CACNA1A: variants seen among roughly 807,000 people sequenced by gnomAD.
CACNA1A encodes calcium voltage-gated channel subunit alpha1 A, also known as voltage-dependent P/Q-type calcium channel subunit alpha-1A.
A neutral mutation model predicts 262.4 loss-of-function variants in CACNA1A; 57 were observed. The ratio of observed to expected loss-of-function variants is 0.22; its 90% CI spans 0.18 to 0.27. The LOEUF is 0.27. Among genes scored for constraint, CACNA1A ranks in the 10% least tolerant of loss-of-function variants. The pLI is 1.00. For synonymous variants in CACNA1A, 1,431 were observed against 1,419.3 expected (o/e 1.01, Z -0.18); for missense variants, 2,526 against 3,562.8 (o/e 0.71, Z 7.41).
chr19:13,289,932 A>G (rs993817312), intron 19 of CACNA1A, among the ~76,000 whole-genome samples: 3 of 149,230 alleles, frequency 2.0e-5, no homozygotes, highest in Non-Finnish European at 4.4e-5. Context: ...TATTTATCTT[A>G]TCTATCTTAT....
intron 38 of CACNA1A, among the ~76,000 whole-genome samples, chr19:13,216,210 G>A (rs981444367): frequency 6.6e-6 from 1 of 152,196 alleles, no homozygotes; most frequent in African/African-American, 2.4e-5. Flanking sequence ...GGTGTTTCCT[G>A]GCCCTCCTAC....
intron 5 of CACNA1A, 58 bp downstream of exon 5, chr19:13,365,259 C>T: frequency 6.6e-7 from 1 of 1,506,798 alleles, no homozygotes; most frequent in Non-Finnish European, 9.1e-7. Flanking sequence ...CTAATCCTCC[C>T]AAGAGCTTGT....
rs1348448383 is a variant in CACNA1A at position 13,230,099 on chromosome 19, C to T, written c.5511G>A (p.Glu1837=). ...HLDEYVRVWA[E]YDPAAWGRMP... ...CTTCTTACCAAGCTGCGGGGTCATA[C>T]TCGGCCCAGACACGCACGTACTCAT... The change falls in exon 36 of 47, where the codon GAG becomes GAA. Residue 1837 remains glutamate (E), a synonymous_variant. Transcript: ENST00000360228. 6.2e-7 allele frequency: 1 copy of T among 1,613,528 alleles called. No individual in the cohort carries two copies. The highest frequency in any genetic ancestry group is 2.2e-5 in the East Asian group (1 of 44,864).
intron 6 of CACNA1A, among the ~76,000 whole-genome samples, chr19:13,353,871 C>A (rs2058957864): frequency 6.6e-6 from 1 of 152,152 alleles, no homozygotes. Context: ...ATTGCCTGAC[C>A]TAGACTAAGG....
chr19:13,454,434 G>A (rs112510143), intron 2 of CACNA1A, among the ~76,000 whole-genome samples: 18,566 of 151,594 alleles, frequency 0.12, 1,504 homozygotes, highest in East Asian at 0.26. Context: ...GCAATGGTGC[G>A]ATCTTGGCTT....
At chr19:13,376,597 AAC>A (rs922599770) in intron 3 of CACNA1A, among the ~76,000 whole-genome samples, 29 of 148,622 alleles carry the variant, frequency 2.0e-4, no homozygotes, top group Non-Finnish European at 3.1e-4. Context: ...TGAGATATAT[AAC>A]ACATAATATA....
At chr19:13,341,791 TA>T (rs1275790811) in intron 6 of CACNA1A, among the ~76,000 whole-genome samples, 4 of 152,216 alleles carry the variant, frequency 2.6e-5, no homozygotes, top group African/African-American at 9.6e-5. Context: ...TCACCGCCTA[TA>T]TACTTTACTT....
chr19:13,488,627 T>C (rs754092701), intron 1 of CACNA1A, among the ~76,000 whole-genome samples: 9 of 151,936 alleles, frequency 5.9e-5, no homozygotes, highest in Non-Finnish European at 1.2e-4. Flanking sequence ...CTCAAACTTC[T>C]GACCTCAGGT....
intron 8 of CACNA1A, chr19:13,333,692 C>T (rs1405338339): frequency 6.6e-6 from 1 of 152,398 alleles, no homozygotes; most frequent in African/African-American, 2.4e-5. Flanking sequence ...GCCTTAGCCT[C>T]CCAAAGTGCT....
chr19:13,353,787 T>C (rs1441394043), intron 6 of CACNA1A, among the ~76,000 whole-genome samples: 1 of 152,206 alleles, frequency 6.6e-6, no homozygotes. Flanking sequence ...ATGCTGAGAA[T>C]GCTGTTTCCA....
chr19:13,302,539 A>G (rs553273762), intron 17 of CACNA1A, among the ~76,000 whole-genome samples: 5 of 152,356 alleles, frequency 3.3e-5, no homozygotes, highest in African/African-American at 1.2e-4. Flanking sequence ...TGCTTGTAGG[A>G]TCAATGAAAG....
chr19:13,227,550 AAAC>A (rs779182910), intron 36 of CACNA1A, 23 bp from the exon 37 acceptor site: 1 of 1,379,502 alleles, frequency 7.2e-7, no homozygotes, highest in Non-Finnish European at 1.0e-6. Flanking sequence ...AAAATGAAAA[AAAC>A]AAAAACAAAA....
intron 3 of CACNA1A, among the ~76,000 whole-genome samples, chr19:13,395,470 G>A (rs1409815024): frequency 6.6e-6 from 1 of 150,918 alleles, no homozygotes; most frequent in East Asian, 1.9e-4. Context: ...AAATTAGCTG[G>A]GCATGGTGGT....
In CACNA1A at chr19:13,299,339, T is replaced by C. The variant is rs1346141933; in HGVS notation, c.2294A>G (p.Lys765Arg). The C allele has an allele frequency of 6.3e-7, 1 of 1,599,804 alleles. No homozygotes were observed. Among genetic ancestry groups the C allele is most frequent in the Non-Finnish European group, 8.5e-7 (1 of 1,179,738 alleles). The change falls in exon 19 of 47, where the codon AAG becomes AGG. Residue 765 changes from lysine to arginine, a missense_variant. By Grantham distance (26) the Lys-to-Arg change is conservative. This residue lies in a region of CACNA1A where 765 missense variants were observed against 748.6 expected (regional missense o/e 1.02). Coordinates refer to ENST00000360228, the MANE Select transcript of CACNA1A (RefSeq NM_001127222.2). The stretch of plus-strand genomic sequence containing the variant: ...CACGGACTTGGCTGGCTTTTGATTC[T>C]TCTGTTGCTCTTTCCTGCAGTGGCA... ...NMSIAVKEQQKNQKPAKSVWE... is the reference protein window; with the variant it reads ...NMSIAVKEQQRNQKPAKSVWE...
At chr19:13,475,618 T>C (rs200787166) in intron 1 of CACNA1A, among the ~76,000 whole-genome samples, 1 of 152,276 alleles carries the variant, frequency 6.6e-6, no homozygotes, top group East Asian at 1.9e-4. Context: ...AGGAAGATCA[T>C]ATGACTTGCC....
At chr19:13,365,514 C>T (rs2059193308) in intron 4 of CACNA1A, 45 bp from the exon 5 acceptor site, 6 of 1,569,144 alleles carry the variant, frequency 3.8e-6, no homozygotes, top group South Asian at 1.1e-5. Context: ...TGAGCAAGTA[C>T]CCCCAAACCC....
intron 3 of CACNA1A, among the ~76,000 whole-genome samples, chr19:13,377,728 G>T (rs931466557): frequency 2.0e-5 from 3 of 152,082 alleles, no homozygotes; most frequent in African/African-American, 7.2e-5. Context: ...ATGATTTAAG[G>T]GATACATTTC....
Position 13,351,591 on chromosome 19 carries a change from CCT to C in CACNA1A, c.978+8013_978+8014del, listed in dbSNP as rs540017458. Among the ~76,000 whole-genome samples, 203 of 152,302 alleles carry C rather than the reference CCT, an allele frequency of 1.3e-3. 2 individuals carry two copies. The highest frequency in any genetic ancestry group is 4.7e-3 in the African/African-American group (194 of 41,566). ...ATGGCGTGATCTCAGCTCACTGCAA[CCT>C]CTGTTTCCCAGGTTCATATGATTCT... On this transcript the variant is annotated intron_variant, in intron 6 of 46. Transcript: ENST00000360228.
chr19:13,469,027 A>C (rs1444468320), intron 1 of CACNA1A, among the ~76,000 whole-genome samples: 1 of 152,150 alleles, frequency 6.6e-6, no homozygotes, highest in Non-Finnish European at 1.5e-5. Flanking sequence ...GGTGCCCCCA[A>C]GAAGTCAGGT....
Sources: gnomAD v4.1 joint callset for allele counts (sites outside exome capture counted in the v4.1 genomes callset) on GRCh38, gnomAD v4.1.1 for gene constraint, gnomAD v4.1.1 regional missense constraint, MANE v1.5 for transcripts, NCBI Gene and HGNC (gene_info 2026-07-23, HGNC 2026-07-21) for gene names.